Variants in PDSS2 observed in about 807,000 individuals in gnomAD.
The protein encoded by PDSS2 is all trans-polyprenyl-diphosphate synthase PDSS2.
In PDSS2, 31 loss-of-function variants were observed where a neutral mutation model predicts 44.5. The observed-to-expected ratio is 0.70, with a 90% CI of 0.52 to 0.94. PDSS2 has a LOEUF of 0.94. PDSS2 is among the 40% of genes least tolerant of loss of function. The probability of loss-of-function intolerance (pLI) is 0.00; values close to 1 mark genes in which losing one functional copy is unlikely to be tolerated. For synonymous variants in PDSS2, 157 were observed against 180.3 expected, an observed-to-expected ratio of 0.87 and a Z score of 1.03; for missense variants, 452 against 482.2, an observed-to-expected ratio of 0.94 and a Z score of 0.59.
chr6:107,452,015 C>A (rs917074406), intron 1 of PDSS2, among the ~76,000 whole-genome samples: 3 of 151,930 alleles, frequency 2.0e-5, no homozygotes, highest in Non-Finnish European at 4.4e-5. Context: ...ATTTTCTTTT[C>A]TTTCTTCTTC....
intron 2 of PDSS2, among the ~76,000 whole-genome samples, chr6:107,332,627 C>A (rs1018058374): frequency 6.7e-5 from 10 of 148,470 alleles, no homozygotes; most frequent in Non-Finnish European, 1.2e-4. Context: ...AAAAAAAAAA[C>A]CAACAATGAG....
chr6:107,358,008 C>T (rs759494272), intron 1 of PDSS2, among the ~76,000 whole-genome samples: 1 of 152,096 alleles, frequency 6.6e-6, no homozygotes, highest in Non-Finnish European at 1.5e-5. Flanking sequence ...TTGAGCATCC[C>T]TAATCTGAAA....
At chr6:107,170,717 A>G (rs1771543197) in intron 7 of PDSS2, among the ~76,000 whole-genome samples, 1 of 151,262 alleles carries the variant, frequency 6.6e-6, no homozygotes, top group Non-Finnish European at 1.5e-5. Flanking sequence ...GGTTCAAGCA[A>G]TTCTCTTGCC....
intron 1 of PDSS2, among the ~76,000 whole-genome samples, chr6:107,402,511 C>CAT (rs1780170108): frequency 9.0e-6 from 1 of 110,812 alleles, no homozygotes; most frequent in African/African-American, 3.2e-5. Context: ...CATATATATA[C>CAT]ACACACATAT....
intron 1 of PDSS2, among the ~76,000 whole-genome samples, chr6:107,448,094 G>A (rs146686777): frequency 2.5e-4 from 38 of 152,270 alleles, no homozygotes; most frequent in South Asian, 4.1e-4. Flanking sequence ...AGCAGGGGGG[G>A]CTGGACCTGG....
intron 1 of PDSS2, among the ~76,000 whole-genome samples, chr6:107,372,325 C>T (rs1779150196): frequency 6.6e-6 from 1 of 152,164 alleles, no homozygotes; most frequent in Non-Finnish European, 1.5e-5. Flanking sequence ...TCACAAGACT[C>T]TGAAGTACAG....
intron 1 of PDSS2, among the ~76,000 whole-genome samples, chr6:107,412,233 CTTTTTTTTTTTTTT>C (rs1169549611): frequency 1.4e-5 from 1 of 73,406 alleles, no homozygotes; most frequent in Non-Finnish European, 2.5e-5. Flanking sequence ...GTCCTTTGCT[CTTTTTTTTTTTTTT>C]TTTTTTTTTT....
intron 3 of PDSS2, among the ~76,000 whole-genome samples, chr6:107,267,470 T>A (rs1443007068): frequency 1.3e-5 from 2 of 152,158 alleles, no homozygotes; most frequent in Non-Finnish European, 2.9e-5. Flanking sequence ...TGTTAACATG[T>A]GAATTCCAGT....
chr6:107,170,553 C>G (rs184820062), intron 7 of PDSS2, among the ~76,000 whole-genome samples: 1 of 151,888 alleles, frequency 6.6e-6, no homozygotes, highest in Non-Finnish European at 1.5e-5. Flanking sequence ...TTCTGCATTG[C>G]TCACGCTGGG....
intron 2 of PDSS2, among the ~76,000 whole-genome samples, chr6:107,307,305 T>C (rs1776890906): frequency 6.6e-6 from 1 of 152,048 alleles, no homozygotes; most frequent in African/African-American, 2.4e-5. Context: ...ATAATAATAA[T>C]CAGAAACAGA....
chr6:107,389,880 C>T (rs319113), intron 1 of PDSS2, among the ~76,000 whole-genome samples: 109,191 of 151,338 alleles, frequency 0.72, 39,817 homozygotes, highest in Middle Eastern at 0.79. Flanking sequence ...TATGATTAGG[C>T]TGGGAAAATA....
At chr6:107,314,237 C>A (rs979539256) in intron 2 of PDSS2, among the ~76,000 whole-genome samples, 1 of 152,150 alleles carries the variant, frequency 6.6e-6, no homozygotes, top group African/African-American at 2.4e-5. Flanking sequence ...ACACACACAT[C>A]TTGTCACATG....
At chr6:107,400,109 C>T (rs1780061690) in intron 1 of PDSS2, among the ~76,000 whole-genome samples, 1 of 152,052 alleles carries the variant, frequency 6.6e-6, no homozygotes, top group African/African-American at 2.4e-5. Flanking sequence ...GGGAGCCAGG[C>T]AATCCAGGTC....
chr6:107,403,507 T>C (rs922171629), intron 1 of PDSS2, among the ~76,000 whole-genome samples: 1 of 152,188 alleles, frequency 6.6e-6, no homozygotes, highest in Non-Finnish European at 1.5e-5. Context: ...AGTGGGGACT[T>C]TGGGTGGTGG....
In PDSS2 at chr6:107,459,013, C is replaced by T. The variant is rs750683136; in HGVS notation, c.273G>A (p.Gln91=). 1 of 1,614,122 alleles carries T rather than the reference C, an allele frequency of 6.2e-7. No homozygotes were observed. The highest frequency in any genetic ancestry group is 8.5e-7 in the Non-Finnish European group (1 of 1,180,004). ...ACCTGGCTGTGGTAAGCAGAGGGTG[C>T]TGAGTGCCCACCAGCTTCCGCACCT... ...AMQVRKLVGT[Q]HPLLTTARGL... The change falls in exon 1 of 8, where the codon CAG becomes CAA. Residue 91 remains glutamine (Q), a synonymous_variant. Transcript: ENST00000369037. The surrounding 1 kb of genome is among the most constrained non-coding windows in gnomAD (Gnocchi z 4.3).
intron 3 of PDSS2, among the ~76,000 whole-genome samples, chr6:107,251,743 T>C (rs1310121293): frequency 6.6e-6 from 1 of 152,182 alleles, no homozygotes; most frequent in Non-Finnish European, 1.5e-5. Context: ...CAAAAACTCT[T>C]ATCAGTGAAA....
intron 2 of PDSS2, among the ~76,000 whole-genome samples, chr6:107,297,468 C>T (rs1215784734): frequency 9.9e-5 from 15 of 151,522 alleles, no homozygotes; most frequent in African/African-American, 2.9e-4. Context: ...CTGCAACCTC[C>T]GCCTCCCAAG....
At chr6:107,249,757 G>A (rs1774750147) in intron 3 of PDSS2, among the ~76,000 whole-genome samples, 1 of 152,132 alleles carries the variant, frequency 6.6e-6, no homozygotes, top group African/African-American at 2.4e-5. Context: ...TTTGGCTGCT[G>A]GGGAGAATGC....
chr6:107,158,568 C>T (rs1453099143), intron 7 of PDSS2, among the ~76,000 whole-genome samples: 1 of 152,158 alleles, frequency 6.6e-6, no homozygotes, highest in Non-Finnish European at 1.5e-5. Flanking sequence ...GATATTTCCA[C>T]ACTGCATATA....
Sources: allele counts gnomAD v4.1 joint callset (sites outside exome capture counted in the v4.1 genomes callset), GRCh38; gene constraint gnomAD v4.1.1; non-coding constraint Gnocchi (gnomAD v3.1); transcripts MANE v1.5; gene names NCBI Gene and HGNC (gene_info 2026-07-23, HGNC 2026-07-21).